The following CDYL2 variants were observed in gnomAD, a reference collection of about 807,000 sequenced individuals.
The protein encoded by CDYL2 is chromodomain Y-like protein 2.
In CDYL2, 23 loss-of-function variants were observed where a neutral mutation model predicts 49.4. The ratio of observed to expected loss-of-function variants is 0.47; its 90% CI spans 0.34 to 0.66. CDYL2 has a LOEUF of 0.66. Ranked by LOEUF, CDYL2 falls within the 30% of genes least tolerant of loss-of-function variation. The probability of loss-of-function intolerance (pLI) is 0.01; values close to 1 mark genes in which losing one functional copy is unlikely to be tolerated. For missense variants in CDYL2, 678 were observed against 656.4 expected (o/e 1.03, Z -0.36); for synonymous variants, 360 against 268.8 (o/e 1.34, Z -3.32).
chr16:80,621,703 AG>A (rs1907091915), intron 3 of CDYL2, among the ~76,000 whole-genome samples: 1 of 152,220 alleles, frequency 6.6e-6, no homozygotes, highest in Non-Finnish European at 1.5e-5. Context: ...TCTTCATGCC[AG>A]TAAAGGTGCC....
chr16:80,635,103 T>A (rs777078202), intron 2 of CDYL2, among the ~76,000 whole-genome samples: 5 of 152,164 alleles, frequency 3.3e-5, no homozygotes, highest in Non-Finnish European at 5.9e-5. Context: ...CATCAATGTA[T>A]AAAGGGAATT....
In CDYL2 at chr16:80,660,687, A is replaced by G. The variant is rs28701956; in HGVS notation, c.616+23851T>C. ...CATATTAAAAGACAGAGATAATCAC[A>G]CTGGATAAAATAATAAAGATGTGTG... On this transcript the variant is annotated intron_variant, in intron 2 of 6. Transcript: ENST00000570137. Among the ~76,000 whole-genome samples, 467 of 152,330 alleles carry G rather than the reference A, an allele frequency of 3.1e-3. 3 individuals carry two copies. The highest frequency in any genetic ancestry group is 0.011 in the African/African-American group (451 of 41,572).
chr16:80,774,303 G>C (rs565429114), intron 1 of CDYL2, among the ~76,000 whole-genome samples: 1 of 150,904 alleles, frequency 6.6e-6, no homozygotes, highest in African/African-American at 2.4e-5. Flanking sequence ...GGCGCTGAAA[G>C]ACAAATGCTA....
Position 80,728,783 on chromosome 16 carries a change from T to TG in CDYL2, c.25-43655dup, listed in dbSNP as rs1479205622. ...AGAAACTCTACAAGCCAGAAGAGAGTGGGGGCCAATATTCAACATTCTTAA... is the reference window on the plus strand; with the variant it reads ...AGAAACTCTACAAGCCAGAAGAGAGTGGGGGGCCAATATTCAACATTCTTAA... On this transcript the variant is annotated intron_variant, in intron 1 of 6. Coordinates refer to ENST00000570137, the MANE Select transcript of CDYL2 (RefSeq NM_152342.4). 4.5e-4 allele frequency among the ~76,000 whole-genome samples: 68 copies of TG among 151,020 alleles called. 1 individual carries two copies. The highest frequency in any genetic ancestry group is 5.9e-5 in the Non-Finnish European group (4 of 67,700).
chr16:80,704,185 G>A (rs760728989), intron 1 of CDYL2, among the ~76,000 whole-genome samples: 6 of 152,166 alleles, frequency 3.9e-5, no homozygotes, highest in Non-Finnish European at 7.3e-5. Context: ...GCCAGACACT[G>A]CTAATCAACC....
intron 1 of CDYL2, among the ~76,000 whole-genome samples, chr16:80,765,545 ACT>A (rs1262978633): frequency 6.6e-6 from 1 of 151,856 alleles, no homozygotes; most frequent in East Asian, 1.9e-4. Flanking sequence ...GTAACCTAAG[ACT>A]CTGCAGTTCC....
At chr16:80,801,614 T>C (rs1012464562) in intron 1 of CDYL2, among the ~76,000 whole-genome samples, 19 of 152,250 alleles carry the variant, frequency 1.2e-4, no homozygotes, top group South Asian at 2.1e-4. Flanking sequence ...CGAGAAGCCA[T>C]TTTATGTACA....
chr16:80,792,362 C>T (rs1379868843), intron 1 of CDYL2, among the ~76,000 whole-genome samples: 2 of 152,124 alleles, frequency 1.3e-5, no homozygotes, highest in Non-Finnish European at 2.9e-5. Flanking sequence ...AGTGGAGGGC[C>T]ATTCTAGGAA....
At chr16:80,783,496 T>C (rs1189363484) in intron 1 of CDYL2, among the ~76,000 whole-genome samples, 1 of 152,124 alleles carries the variant, frequency 6.6e-6, no homozygotes, top group Non-Finnish European at 1.5e-5. Context: ...CACCCCTACC[T>C]ACACAGCCAA....
chr16:80,704,888 T>C (rs918039794), intron 1 of CDYL2, among the ~76,000 whole-genome samples: 1 of 152,166 alleles, frequency 6.6e-6, no homozygotes, highest in African/African-American at 2.4e-5. Flanking sequence ...CCTGATCTCA[T>C]CCTGATCCTA....
intron 1 of CDYL2, among the ~76,000 whole-genome samples, chr16:80,729,297 A>T (rs997164818): frequency 1.3e-5 from 2 of 151,746 alleles, no homozygotes; most frequent in Non-Finnish European, 3.0e-5. Flanking sequence ...CAGGGGTTGC[A>T]ATCCTAGTCT....
chr16:80,778,345 G>C (rs1384714165), intron 1 of CDYL2, among the ~76,000 whole-genome samples: 1 of 151,686 alleles, frequency 6.6e-6, no homozygotes, highest in African/African-American at 2.4e-5. Flanking sequence ...ATAACTGACA[G>C]AAAGACAGGT....
chr16:80,673,512 A>G (rs901355461), intron 2 of CDYL2, among the ~76,000 whole-genome samples: 2 of 152,174 alleles, frequency 1.3e-5, no homozygotes, highest in African/African-American at 4.8e-5. Context: ...AGCTTTGACA[A>G]TTAAGGTAGT....
At position 80,682,900 on chromosome 16, in the gene CDYL2, C is replaced by G. The variant is rs146351217; in HGVS notation, c.616+1638G>C. Reference sequence around the variant, plus strand: ...GCACAGTCACGTCAGCGTCAGGGATCCCGAGACGGAAACGTGAGTCAGTCT... The same window carrying G: ...GCACAGTCACGTCAGCGTCAGGGATGCCGAGACGGAAACGTGAGTCAGTCT... On this transcript the variant is annotated intron_variant, in intron 2 of 6. Coordinates refer to ENST00000570137, the MANE Select transcript of CDYL2 (RefSeq NM_152342.4). 2.0e-4 allele frequency among the ~76,000 whole-genome samples: 31 copies of G among 152,298 alleles called. No individual in the cohort carries two copies. The East Asian group carries it at 4.4e-3, about 22-fold the overall frequency.
chr16:80,649,567 T>C (rs192553951), intron 2 of CDYL2, among the ~76,000 whole-genome samples: 307 of 152,300 alleles, frequency 2.0e-3, no homozygotes, highest in African/African-American at 7.1e-3. Context: ...ACAGATTCAA[T>C]GTAATCCCTC....
intron 1 of CDYL2, among the ~76,000 whole-genome samples, chr16:80,732,481 T>C (rs1005954139): frequency 8.5e-5 from 13 of 152,176 alleles, no homozygotes; most frequent in African/African-American, 2.9e-4. Flanking sequence ...TCTATAAACA[T>C]ATAAGCTTGA....
At chr16:80,724,661 T>C (rs1905108279) in intron 1 of CDYL2, among the ~76,000 whole-genome samples, 1 of 152,216 alleles carries the variant, frequency 6.6e-6, no homozygotes, top group South Asian at 2.1e-4. Context: ...TATACACACA[T>C]GCATTTGTGT....
chr16:80,627,687 A>C (rs1907363842), intron 3 of CDYL2: 1 of 152,252 alleles, frequency 6.6e-6, no homozygotes, highest in Non-Finnish European at 1.5e-5. Flanking sequence ...CTTCTTAAAC[A>C]GAATATACTG....
chr16:80,760,065 T>C (rs1906473545), intron 1 of CDYL2, among the ~76,000 whole-genome samples: 1 of 152,228 alleles, frequency 6.6e-6, no homozygotes, highest in African/African-American at 2.4e-5. Context: ...TTTAGATTTA[T>C]AAATTGGGTG....
Sources: gnomAD v4.1 joint callset for allele counts (sites outside exome capture counted in the v4.1 genomes callset) on GRCh38, gnomAD v4.1.1 for gene constraint, MANE v1.5 for transcripts, NCBI Gene and HGNC (gene_info 2026-07-23, HGNC 2026-07-21) for gene names.